The following VASH1 variants were observed in gnomAD, a reference collection of about 807,000 sequenced individuals.
VASH1 encodes the protein tubulinyl-Tyr carboxypeptidase 1.
Under a neutral mutation model 35.0 loss-of-function variants are expected in VASH1, and 16 were observed. The ratio of observed to expected loss-of-function variants is 0.46; its 90% CI spans 0.31 to 0.70. The LOEUF is 0.70. Among genes scored for constraint, VASH1 ranks in the 30% least tolerant of loss-of-function variants. The pLI, the probability that VASH1 is intolerant of heterozygous loss-of-function variation, is 0.05. For synonymous variants in VASH1, 214 were observed against 200.9 expected (o/e 1.07, Z -0.55); for missense variants, 505 against 510.7 (o/e 0.99, Z 0.11).
At chr14:76,765,103 C>T (rs946486088) in intron 1 of VASH1, among the ~76,000 whole-genome samples, 3 of 152,140 alleles carry the variant, frequency 2.0e-5, no homozygotes, top group Admixed American at 6.5e-5. Flanking sequence ...GTGAACAAGT[C>T]GGGCAGCTCT....
At chr14:76,769,858 C>A in intron 1 of VASH1, 105 bp from the exon 2 acceptor site, 1 of 1,151,806 alleles carries the variant, frequency 8.7e-7, no homozygotes, top group Non-Finnish European at 1.3e-6. Flanking sequence ...GGAGGCTGTG[C>A]CTCCCCAGGG....
chr14:76,764,407 A>G (rs1468462516), intron 1 of VASH1, among the ~76,000 whole-genome samples: 7 of 152,230 alleles, frequency 4.6e-5, no homozygotes, highest in Non-Finnish European at 1.5e-5. Flanking sequence ...TTTATTCCTA[A>G]AATGAATACT....
chr14:76,770,115 C>T (rs1893751825), intron 2 of VASH1, 64 bp downstream of exon 2: 1 of 1,496,444 alleles, frequency 6.7e-7, no homozygotes, highest in Admixed American at 1.7e-5. Context: ...TGTTTCCAGG[C>T]AGAGCTGGAG....
chr14:76,767,520 TGGA>T (rs1893676260), intron 1 of VASH1, among the ~76,000 whole-genome samples: 1 of 152,132 alleles, frequency 6.6e-6, no homozygotes, highest in African/African-American at 2.4e-5. Context: ...GCCTTGGCTG[TGGA>T]GGAGGAGTGC....
chr14:76,772,980 G>A (rs1316345881), intron 3 of VASH1, among the ~76,000 whole-genome samples, 157 bp from the exon 4 acceptor site: 1 of 152,206 alleles, frequency 6.6e-6, no homozygotes, highest in African/African-American at 2.4e-5. Context: ...TCCGTCCGTC[G>A]GGAGTGTGGA....
At chr14:76,778,304 A>G (rs565076585) in intron 6 of VASH1, among the ~76,000 whole-genome samples, 1 of 152,164 alleles carries the variant, frequency 6.6e-6, no homozygotes, top group East Asian at 1.9e-4. Flanking sequence ...TAGTCTGAGC[A>G]TGGGTTATGT....
chr14:76,769,329 C>T (rs1477824699), intron 1 of VASH1: 10 of 1,288,928 alleles, frequency 7.8e-6, no homozygotes, highest in Middle Eastern at 4.2e-4. Flanking sequence ...GAGGAGGACC[C>T]GGCCCCTCTG....
chr14:76,763,877 C>G (rs1407865372), intron 1 of VASH1, among the ~76,000 whole-genome samples: 1 of 152,204 alleles, frequency 6.6e-6, no homozygotes, highest in African/African-American at 2.4e-5. Context: ...GTATCTCATT[C>G]ATCTTTGTCT....
In VASH1 at chr14:76,779,239, T is replaced by C; in HGVS notation, c.*221T>C. The C allele has an allele frequency of 1.4e-6, 1 of 694,682 alleles. No homozygotes were observed. Among genetic ancestry groups the C allele is most frequent in the Middle Eastern group, 2.5e-4 (1 of 4,002 alleles). 43.0% of individuals were successfully genotyped at this position (694,682 alleles called of 1,614,324 possible). ...CCGTTAGTATTTTATTTGGAGTTTT[T>C]AACTCTACAACTGAAGTTTAAGGTA... On this transcript the variant is annotated 3_prime_UTR_variant, in exon 7 of 7. Coordinates refer to ENST00000167106, the MANE Select transcript of VASH1 (RefSeq NM_014909.5).
At chr14:76,765,856 A>G (rs1893628655) in intron 1 of VASH1, among the ~76,000 whole-genome samples, 1 of 152,082 alleles carries the variant, frequency 6.6e-6, no homozygotes, top group African/African-American at 2.4e-5. Context: ...TGCCCCGTGT[A>G]TGTTACTTGC....
chr14:76,771,638 C>T (rs1000951054), intron 3 of VASH1, among the ~76,000 whole-genome samples: 13 of 152,214 alleles, frequency 8.5e-5, no homozygotes, highest in Non-Finnish European at 1.5e-4. Context: ...CTGCCGCACT[C>T]CCCATTGCTG....
chr14:76,770,422 T>A (rs1480519438), intron 2 of VASH1, among the ~76,000 whole-genome samples: 3 of 152,240 alleles, frequency 2.0e-5, no homozygotes, highest in South Asian at 4.1e-4. Context: ...GGGAGCTGCC[T>A]TGGGGCTTTT....
chr14:76,775,983 G>C lies in VASH1; in HGVS notation c.622G>C (p.Gly208Arg). ...SGNYFRHIVL[G>R]VNFAGRYGAL... is the part of the protein sequence containing the mutation. ...GAACTACTTCCGCCACATCGTGCTG[G>C]GGGTGAACTTCGCGGGCCGCTACGG... Residue 208 changes from glycine to arginine, a missense_variant, in exon 5 of 7, where the codon GGG (glycine) becomes CGG (arginine). Physicochemically the swap from Gly to Arg is moderately radical, Grantham distance 125. Coordinates refer to ENST00000167106, the MANE Select transcript of VASH1 (RefSeq NM_014909.5). 1 of 1,612,666 alleles carries C rather than the reference G, an allele frequency of 6.2e-7. No individual in the cohort carries two copies. The highest frequency in any genetic ancestry group is 1.1e-5 in the South Asian group (1 of 90,754).
At chr14:76,777,521 T>C (rs560779070) in intron 5 of VASH1, among the ~76,000 whole-genome samples, 4 of 152,184 alleles carry the variant, frequency 2.6e-5, no homozygotes, top group Admixed American at 1.3e-4. Flanking sequence ...GGATGACTCT[T>C]TTGTTTTTCT....
chr14:76,768,526 G>C (rs1197848613), intron 1 of VASH1, among the ~76,000 whole-genome samples: 1 of 152,150 alleles, frequency 6.6e-6, no homozygotes, highest in Non-Finnish European at 1.5e-5. Context: ...ACCCCTTAGA[G>C]GAGGTGTCTG....
chr14:76,776,798 C>G (rs1893958223), intron 5 of VASH1, among the ~76,000 whole-genome samples: 1 of 152,164 alleles, frequency 6.6e-6, no homozygotes, highest in Admixed American at 6.5e-5. Context: ...TAGAGCCTTT[C>G]AGCAGGCAGA....
intron 3 of VASH1, among the ~76,000 whole-genome samples, chr14:76,772,411 A>T (rs1387510945): frequency 6.6e-6 from 1 of 152,116 alleles, no homozygotes; most frequent in Admixed American, 6.5e-5. Flanking sequence ...CCTATCCCCA[A>T]AGCTTTGCTT....
chr14:76,780,191 G>A lies in VASH1; in HGVS notation c.*1173G>A, dbSNP rs1278347682. The A allele has an allele frequency of 6.5e-6, 1 of 152,912 alleles. No homozygotes were observed. Among genetic ancestry groups the A allele is most frequent in the African/African-American group, 2.4e-5 (1 of 41,452 alleles). 9.5% of individuals were successfully genotyped at this position (152,912 alleles called of 1,614,324 possible). A position where few individuals can be genotyped will look rare whatever the true frequency, so the allele number is the denominator to read the frequency against. On this transcript the variant is annotated 3_prime_UTR_variant, in exon 7 of 7. Coordinates refer to ENST00000167106, the MANE Select transcript of VASH1 (RefSeq NM_014909.5). ...ATGCGGAGAGGTTGGCAGAGCCAGG[G>A]GTAGGTTCTGGAGGCTCAAGCAACA...
At position 76,762,937 on chromosome 14, in the gene VASH1, C is replaced by G. The variant is rs1326622241; in HGVS notation, c.116C>G (p.Ala39Gly). The G allele has an allele frequency of 1.9e-6, 3 of 1,571,306 alleles. No homozygotes were observed. Residue 39 changes from alanine (A) to glycine (G), a missense_variant, in exon 1 of 7, where the codon GCC (alanine) becomes GGC (glycine). By Grantham distance (60) the Ala-to-Gly change is moderately conservative. Coordinates refer to ENST00000167106, the MANE Select transcript of VASH1 (RefSeq NM_014909.5). The part of the protein sequence containing the change: ...RRLETSEGTS[A>G]QRDEEPEEEG... ...TTGGAGACCAGCGAAGGAACCTCAG[C>G]CCAGAGAGATGAGGAGCCAGAAGAG... is the stretch of plus-strand genomic sequence containing the variant.
Sources: gnomAD v4.1 joint callset for allele counts (sites outside exome capture counted in the v4.1 genomes callset) on GRCh38, gnomAD v4.1.1 for gene constraint, MANE v1.5 for transcripts, NCBI Gene and HGNC (gene_info 2026-07-23, HGNC 2026-07-21) for gene names.